The following SLC7A1 variants were observed in gnomAD, a reference collection of about 807,000 sequenced individuals.
The protein encoded by SLC7A1 is high affinity cationic amino acid transporter 1.
Under a neutral mutation model 53.9 loss-of-function variants are expected in SLC7A1, and 10 were observed. The ratio of observed to expected loss-of-function variants is 0.19; its 90% CI spans 0.11 to 0.31. SLC7A1 has a LOEUF of 0.31. Ranked by LOEUF, SLC7A1 falls within the 10% of genes least tolerant of loss-of-function variation. The pLI is 1.00. For synonymous variants in SLC7A1, 342 were observed against 338.7 expected (o/e 1.01, Z -0.11); for missense variants, 525 against 827.2 (o/e 0.63, Z 4.48).
chr13:29,514,779 G>A (rs1011900070), intron 12 of SLC7A1, among the ~76,000 whole-genome samples, 196 bp from the exon 13 acceptor site: 3 of 152,202 alleles, frequency 2.0e-5, no homozygotes, highest in East Asian at 1.9e-4. Flanking sequence ...TGTCTGCTTC[G>A]ACATCTGGCA....
chr13:29,555,589 T>C (rs900020140), intron 1 of SLC7A1, among the ~76,000 whole-genome samples: 2 of 150,218 alleles, frequency 1.3e-5, no homozygotes, highest in Admixed American at 6.7e-5. Context: ...GGACACAGCA[T>C]CCTGGTGCCC....
intron 1 of SLC7A1, among the ~76,000 whole-genome samples, chr13:29,588,094 G>A (rs1871962036): frequency 6.6e-6 from 1 of 152,130 alleles, no homozygotes; most frequent in South Asian, 2.1e-4. Context: ...GGCTTATGAG[G>A]TAGAAAATCA....
chr13:29,524,284 G>T (rs193294034), intron 5 of SLC7A1, 31 bp from the exon 6 acceptor site: 15 of 1,613,588 alleles, frequency 9.3e-6, no homozygotes, highest in Non-Finnish European at 1.3e-5. Flanking sequence ...CAAATGTCAC[G>T]TCACTCGCTG....
intron 1 of SLC7A1, among the ~76,000 whole-genome samples, chr13:29,592,870 T>C (rs941265070): frequency 3.3e-5 from 5 of 152,042 alleles, no homozygotes; most frequent in African/African-American, 1.2e-4. Context: ...CCAGGACCTT[T>C]GAACCCCATG....
Position 29,523,340 on chromosome 13 carries a change from G to A in SLC7A1, c.975C>T (p.Asp325=), listed in dbSNP as rs147554679. 216 of 1,613,804 alleles carry A rather than the reference G, an allele frequency of 1.3e-4. No homozygotes were observed. The highest frequency in any genetic ancestry group is 2.5e-4 in the East Asian group (11 of 44,850). Residue 325 remains aspartate (D), a synonymous_variant, in exon 7 of 13, where the codon GAC becomes GAT. Transcript: ENST00000380752. ...FCLDNNSPLP[D]AFKHVGWEGA... ...CTTCCCAGCCCACGTGCTTAAAGGCGTCGGGCAGGGGGCTGTTATTGTCCA... is the reference window on the plus strand; with the variant it reads ...CTTCCCAGCCCACGTGCTTAAAGGCATCGGGCAGGGGGCTGTTATTGTCCA...
chr13:29,572,177 G>T (rs772315550), intron 1 of SLC7A1, among the ~76,000 whole-genome samples: 2 of 152,216 alleles, frequency 1.3e-5, no homozygotes, highest in East Asian at 1.9e-4. Context: ...TCCCAAGCAC[G>T]ACTCCAAGTG....
chr13:29,521,898 T>G (rs942591112), intron 8 of SLC7A1, among the ~76,000 whole-genome samples: 2 of 152,168 alleles, frequency 1.3e-5, no homozygotes, highest in East Asian at 3.9e-4. Flanking sequence ...ACACTGATCA[T>G]AAGGGACACT....
rs78104365 is a variant in SLC7A1 at position 29,574,147 on chromosome 13, T to C, written c.-114-20287A>G. ...AATTCAAGAGAGAGGAAATTGAAAT[T>C]GTGAGCAGTTTTAGTAGAATAGTAG... On this transcript the variant is annotated intron_variant, in intron 1 of 12. Transcript: ENST00000380752. 6.3e-3 allele frequency among the ~76,000 whole-genome samples: 955 copies of C among 152,330 alleles called. 5 individuals are homozygous for C. Among genetic ancestry groups the C allele is most frequent in the African/African-American group, 0.022 (896 of 41,560 alleles).
In SLC7A1 at chr13:29,513,157, A is replaced by T. The variant is rs1315755323; in HGVS notation, c.*1323T>A. 1 of 152,388 alleles carries T rather than the reference A, an allele frequency of 6.6e-6. No individual in the cohort carries two copies. The highest frequency in any genetic ancestry group is 1.5e-5 in the Non-Finnish European group (1 of 68,114). 9.4% of individuals were successfully genotyped at this position (152,388 alleles called of 1,614,324 possible). The stretch of plus-strand genomic sequence containing the variant: ...GGCCGCAGGCCCCGACCCAGGCAAG[A>T]CGGGGGTGGCGTGCACTGGAGCTAT... On this transcript the variant is annotated 3_prime_UTR_variant, in exon 13 of 13. Coordinates refer to ENST00000380752, the MANE Select transcript of SLC7A1 (RefSeq NM_003045.5).
chr13:29,546,676 A>G (rs367927979), intron 2 of SLC7A1, among the ~76,000 whole-genome samples: 3 of 152,292 alleles, frequency 2.0e-5, no homozygotes, highest in African/African-American at 7.2e-5. Context: ...GGAAATTTTC[A>G]CTTCTCCCCC....
At chr13:29,577,469 T>C (rs1223855122) in intron 1 of SLC7A1, among the ~76,000 whole-genome samples, 1 of 151,856 alleles carries the variant, frequency 6.6e-6, no homozygotes, top group African/African-American at 2.4e-5. Context: ...AACTGAAGAG[T>C]GGCAGTGTCT....
intron 5 of SLC7A1, among the ~76,000 whole-genome samples, chr13:29,530,025 C>T (rs1869080142): frequency 6.6e-6 from 1 of 152,240 alleles, no homozygotes; most frequent in South Asian, 2.1e-4. Flanking sequence ...CAAATGTCGG[C>T]GAAAGACTAT....
chr13:29,525,099 T>C (rs1187840549), intron 5 of SLC7A1, among the ~76,000 whole-genome samples: 1 of 152,204 alleles, frequency 6.6e-6, no homozygotes, highest in Admixed American at 6.5e-5. Flanking sequence ...GGGTGCACCA[T>C]GCAGTCAGTG....
rs750515148 is a variant in SLC7A1, at chr13:29,517,140, T to C, written c.1677+4A>G. On this transcript the variant is annotated splice_donor_region_variant and intron_variant, in intron 11 of 12. Coordinates refer to ENST00000380752, the MANE Select transcript of SLC7A1 (RefSeq NM_003045.5). ...GGGTTCCTTCCCTAGGCCGAGCTGC[T>C]CACCTTAAATGAGAGCTTGGTCTTG... 5.6e-6 allele frequency: 9 copies of C among 1,593,392 alleles called. No individual in the cohort carries two copies. The South Asian group carries it at 1.0e-4, about 18-fold the overall frequency.
At position 29,580,690 on chromosome 13, in the gene SLC7A1, C is replaced by T. The variant is rs1366814672; in HGVS notation, c.-115+14726G>A. Among the ~76,000 whole-genome samples the T allele has an allele frequency of 3.9e-5, 6 of 152,166 alleles. No homozygotes were observed. The South Asian group carries it at 1.0e-3, about 26-fold the overall frequency. Reference sequence around the variant, plus strand: ...TCCTGGGCCCAACTGCGAAGTTTCACCCATGGAATATGTTGTTAATCTTAA... The same window carrying T: ...TCCTGGGCCCAACTGCGAAGTTTCATCCATGGAATATGTTGTTAATCTTAA... On this transcript the variant is annotated intron_variant, in intron 1 of 12. Transcript: ENST00000380752.
intron 1 of SLC7A1, among the ~76,000 whole-genome samples, chr13:29,587,860 G>T (rs1302271311): frequency 6.6e-6 from 1 of 152,194 alleles, no homozygotes; most frequent in African/African-American, 2.4e-5. Context: ...TGGCTGCGGG[G>T]CTCCTGACTA....
chr13:29,593,989 C>T (rs973017159), intron 1 of SLC7A1, among the ~76,000 whole-genome samples: 2 of 152,134 alleles, frequency 1.3e-5, no homozygotes, highest in African/African-American at 4.8e-5. Flanking sequence ...GACCTTTCCC[C>T]TAAGTTTCTA....
chr13:29,544,056 C>T (rs9578107), intron 2 of SLC7A1, among the ~76,000 whole-genome samples: 15,093 of 152,104 alleles, frequency 0.099, 795 homozygotes, highest in Middle Eastern at 0.15. Context: ...ATGGGAGCGC[C>T]GGGATCCCAC....
intron 1 of SLC7A1, among the ~76,000 whole-genome samples, chr13:29,580,717 G>T (rs568335196): frequency 6.6e-6 from 1 of 152,070 alleles, no homozygotes; most frequent in South Asian, 2.1e-4. Flanking sequence ...TAATCTTAAC[G>T]CCTGCTGAGG....
Sources: allele counts gnomAD v4.1 joint callset (sites outside exome capture counted in the v4.1 genomes callset), GRCh38; gene constraint gnomAD v4.1.1; transcripts MANE v1.5; gene names NCBI Gene and HGNC (gene_info 2026-07-23, HGNC 2026-07-21).